The following PPIG variants were observed in gnomAD, a reference collection of about 807,000 sequenced individuals.
PPIG encodes peptidyl-prolyl cis-trans isomerase G.
A neutral mutation model predicts 87.9 loss-of-function variants in PPIG; 26 were observed. The ratio of observed to expected loss-of-function variants is 0.30; its 90% CI spans 0.22 to 0.41. The LOEUF (loss-of-function observed/expected upper bound fraction) is 0.41. Among genes scored for constraint, PPIG ranks in the 10% least tolerant of loss-of-function variants. PPIG has a pLI of 1.00. For missense variants in PPIG, 722 were observed against 879.4 expected (o/e 0.82, Z 2.26); for synonymous variants, 308 against 276.5 (o/e 1.11, Z -1.13).
intron 9 of PPIG, among the ~76,000 whole-genome samples, chr2:169,616,406 C>T (rs1238076756): frequency 6.6e-6 from 1 of 152,110 alleles, no homozygotes; most frequent in African/African-American, 2.4e-5. Flanking sequence ...GGTTCTAGAT[C>T]CTTGAGGAAT....
intron 9 of PPIG, among the ~76,000 whole-genome samples, chr2:169,623,525 G>A (rs1464146129): frequency 6.6e-6 from 1 of 152,216 alleles, no homozygotes; most frequent in Non-Finnish European, 1.5e-5. Context: ...GTAAGTAGTT[G>A]TATGAGAAGA....
chr2:169,639,812 T>A lies in PPIG; in HGVS notation c.*2289T>A, dbSNP rs1054925246. 6.6e-6 allele frequency: 1 copy of A among 152,150 alleles called. No homozygotes were observed. The highest frequency in any genetic ancestry group is 2.4e-5 in the African/African-American group (1 of 41,442). The allele number at this position is 152,150 out of a possible 1,614,324, so 9.4% of individuals were successfully genotyped here. Reference sequence around the variant, plus strand: ...AAATGGTCCTTTCCTTTTGTTACATTTAGTAGTTGTGCCATCTTTAGTTTT... The same window carrying A: ...AAATGGTCCTTTCCTTTTGTTACATATAGTAGTTGTGCCATCTTTAGTTTT... On this transcript the variant is annotated 3_prime_UTR_variant, in exon 14 of 14. Coordinates refer to ENST00000260970, the MANE Select transcript of PPIG (RefSeq NM_004792.3).
At position 169,636,428 on chromosome 2, in the gene PPIG, A is replaced by G. The variant is rs1396918235; in HGVS notation, c.1170A>G (p.Glu390=). 5.2e-6 allele frequency: 8 copies of G among 1,540,026 alleles called. No individual in the cohort carries two copies. Among genetic ancestry groups the G allele is most frequent in the Non-Finnish European group, 7.0e-6 (8 of 1,145,258 alleles). ...WIKGDKSELN[E]IKENQRSPVR... ...TATTTTTTAGGAGTGAGTTGAATGA[A>G]ATAAAAGAAAATCAGAGAAGTCCAG... The change falls in exon 14 of 14, where the codon GAA becomes GAG. Residue 390 remains glutamate, a synonymous_variant. Coordinates refer to ENST00000260970, the MANE Select transcript of PPIG (RefSeq NM_004792.3).
At chr2:169,588,208 C>G (rs140708835) in intron 1 of PPIG, among the ~76,000 whole-genome samples, 353 of 152,132 alleles carry the variant, frequency 2.3e-3, no homozygotes, top group Middle Eastern at 6.8e-3. Context: ...TTCCTTAACT[C>G]GTTTTAAAAA....
At chr2:169,592,393 C>T (rs1684893634) in intron 1 of PPIG, among the ~76,000 whole-genome samples, 1 of 150,112 alleles carries the variant, frequency 6.7e-6, no homozygotes, top group African/African-American at 2.5e-5. Flanking sequence ...CAAGCTCCGC[C>T]TCCCGGGTTC....
chr2:169,614,779 A>G lies in PPIG; in HGVS notation c.547+55A>G, dbSNP rs1300883960. The G allele has an allele frequency of 4.1e-6, 6 of 1,478,290 alleles. No homozygotes were observed. In the East Asian group the frequency reaches 7.2e-5, roughly 18 times the overall value. The allele number at this position is 1,478,290 out of a possible 1,614,324, so 91.6% of individuals were successfully genotyped here. ...ACTTACACATACAAAATAAGCAGAG[A>G]TACTCTAAATAGTTGACATGAAATT... On this transcript the variant is annotated intron_variant, in intron 9 of 13. Transcript: ENST00000260970.
At chr2:169,630,460 T>TG (rs1445424694) in intron 9 of PPIG, among the ~76,000 whole-genome samples, 2 of 152,206 alleles carry the variant, frequency 1.3e-5, no homozygotes, top group African/African-American at 4.8e-5. Flanking sequence ...GATTAGAACA[T>TG]GGGACTCTTC....
chr2:169,598,173 A>G (rs988303676), intron 1 of PPIG, among the ~76,000 whole-genome samples: 4 of 151,282 alleles, frequency 2.6e-5, no homozygotes, highest in African/African-American at 9.7e-5. Context: ...GCTAATTTTT[A>G]TATTTTCTGT....
chr2:169,594,224 A>T (rs192885134), intron 1 of PPIG, among the ~76,000 whole-genome samples: 17 of 152,210 alleles, frequency 1.1e-4, no homozygotes, highest in Middle Eastern at 3.4e-3. Flanking sequence ...CTTAAATTTC[A>T]AAGGAGTTGT....
chr2:169,634,185 C>G (rs1389041247), intron 12 of PPIG, among the ~76,000 whole-genome samples: 1 of 152,076 alleles, frequency 6.6e-6, no homozygotes, highest in Non-Finnish European at 1.5e-5. Flanking sequence ...CTCACCCTCC[C>G]AAGTAGCTGG....
intron 1 of PPIG, among the ~76,000 whole-genome samples, chr2:169,598,761 G>T: frequency 6.7e-6 from 1 of 148,340 alleles, no homozygotes; most frequent in African/African-American, 2.5e-5. Flanking sequence ...AAATTATTTT[G>T]TATTATATAT....
chr2:169,586,386 A>G (rs1013754549), intron 1 of PPIG, among the ~76,000 whole-genome samples: 3 of 152,220 alleles, frequency 2.0e-5, no homozygotes, highest in Admixed American at 6.5e-5. Flanking sequence ...TTCTTCACCT[A>G]CCTGCAAAAT....
At chr2:169,591,920 ATTTTTT>A (rs3067016) in intron 1 of PPIG, among the ~76,000 whole-genome samples, 16 of 87,408 alleles carry the variant, frequency 1.8e-4, no homozygotes, top group South Asian at 1.4e-3. Context: ...GCAATTCATG[ATTTTTT>A]TTTTTTTTTT....
At chr2:169,634,455 T>C (rs900357333) in intron 12 of PPIG, among the ~76,000 whole-genome samples, 2 of 152,138 alleles carry the variant, frequency 1.3e-5, no homozygotes, top group African/African-American at 4.8e-5. Flanking sequence ...ATGACTCCCA[T>C]GGCTGGTAAC....
At chr2:169,606,619 C>T in intron 5 of PPIG, among the ~76,000 whole-genome samples, 1 of 108,650 alleles carries the variant, frequency 9.2e-6, no homozygotes, top group African/African-American at 3.7e-5. Context: ...GAAGGAAGCT[C>T]ATAGAAAATA....
chr2:169,637,721 A>G lies in PPIG; in HGVS notation c.*198A>G, dbSNP rs1686221906. 2 of 544,712 alleles carry G rather than the reference A, an allele frequency of 3.7e-6. No homozygotes were observed. Among genetic ancestry groups the G allele is most frequent in the South Asian group, 5.9e-5 (2 of 33,772 alleles). 33.7% of individuals were successfully genotyped at this position (544,712 alleles called of 1,614,324 possible). On this transcript the variant is annotated 3_prime_UTR_variant, in exon 14 of 14. Transcript: ENST00000260970. ...GGATAATTTGTACTGCTAAAGTTTT[A>G]ATAAACTCGACATGAGAAAAACACT...
intron 9 of PPIG, among the ~76,000 whole-genome samples, chr2:169,627,543 T>G (rs1685921246): frequency 6.6e-6 from 1 of 152,126 alleles, no homozygotes; most frequent in African/African-American, 2.4e-5. Context: ...GTTGTTGTTT[T>G]GGAGACAGGT....
At chr2:169,607,039 T>C in intron 5 of PPIG, 65 bp from the exon 6 acceptor site, 1 of 968,870 alleles carries the variant, frequency 1.0e-6, no homozygotes, top group Non-Finnish European at 1.6e-6. Context: ...ACAAGAAGTA[T>C]TTTGTTTAGG....
At chr2:169,592,864 A>G (rs1019204693) in intron 1 of PPIG, among the ~76,000 whole-genome samples, 2 of 152,244 alleles carry the variant, frequency 1.3e-5, no homozygotes, top group Non-Finnish European at 2.9e-5. Flanking sequence ...TTAGCGACAC[A>G]GCATGTGAGC....
Sources: allele counts gnomAD v4.1 joint callset (sites outside exome capture counted in the v4.1 genomes callset), GRCh38; gene constraint gnomAD v4.1.1; transcripts MANE v1.5; gene names NCBI Gene and HGNC (gene_info 2026-07-23, HGNC 2026-07-21).